Variants in TMEM266 observed in about 807,000 individuals in gnomAD.
TMEM266 encodes the protein transmembrane protein 266.
TMEM266 carries 33 observed loss-of-function variants against 50.5 expected under a neutral mutation model. The ratio of observed to expected loss-of-function variants is 0.65; its 90% CI spans 0.50 to 0.87. The LOEUF (loss-of-function observed/expected upper bound fraction) is 0.87. TMEM266 is among the 40% of genes least tolerant of loss of function. The pLI, the probability that TMEM266 is intolerant of heterozygous loss-of-function variation, is 0.00. For missense variants in TMEM266, 655 were observed against 695.1 expected (o/e 0.94, Z 0.65); for synonymous variants, 310 against 292.3 (o/e 1.06, Z -0.62).
At chr15:76,106,870 T>C (rs1388388464) in intron 1 of TMEM266, among the ~76,000 whole-genome samples, 1 of 152,214 alleles carries the variant, frequency 6.6e-6, no homozygotes, top group East Asian at 1.9e-4. Context: ...TCTAGTAATT[T>C]TCAAGTATAC....
chr15:76,160,941 C>T lies in TMEM266; in HGVS notation c.456+773C>T, dbSNP rs565275128. Among the ~76,000 whole-genome samples the T allele has an allele frequency of 3.3e-5, 5 of 152,258 alleles. No homozygotes were observed. The highest frequency in any genetic ancestry group is 2.0e-4 in the Admixed American group (3 of 15,300). On this transcript the variant is annotated intron_variant, in intron 5 of 10. Coordinates refer to ENST00000388942, the MANE Select transcript of TMEM266 (RefSeq NM_152335.3). This position sits in a 1 kb window ranked among gnomAD's most constrained non-coding sequence, Gnocchi z 5.7. ...GAGTGACACTTCCTTTGAGCAGTTC[C>T]CAGGCTGTCCCAGTGAGACTCTGGC...
At chr15:76,154,367 A>C (rs2037890186) in intron 3 of TMEM266, among the ~76,000 whole-genome samples, 1 of 152,012 alleles carries the variant, frequency 6.6e-6, no homozygotes, top group Non-Finnish European at 1.5e-5. Flanking sequence ...TTGCTTGGTG[A>C]TTGGCCCCTG....
chr15:76,070,691 A>G (rs1304904986), intron 1 of TMEM266, among the ~76,000 whole-genome samples: 1 of 152,194 alleles, frequency 6.6e-6, no homozygotes, highest in East Asian at 1.9e-4. Context: ...CTTATTAAGG[A>G]TTCAAAGTTC....
At chr15:76,192,585 A>G (rs951246989) in intron 9 of TMEM266, among the ~76,000 whole-genome samples, 2 of 152,146 alleles carry the variant, frequency 1.3e-5, no homozygotes, top group African/African-American at 4.8e-5. Context: ...CTACTGGACT[A>G]CCACCTACTG....
Position 76,160,115 on chromosome 15 carries a change from G to T in TMEM266, c.403G>T (p.Ala135Ser). 1 of 1,614,210 alleles carries T rather than the reference G, an allele frequency of 6.2e-7. No individual in the cohort carries two copies. The highest frequency in any genetic ancestry group is 8.5e-7 in the Non-Finnish European group (1 of 1,180,024). Residue 135 changes from alanine (A) to serine (S), a missense_variant, in exon 5 of 11, where the codon GCT becomes TCT. Transcript: ENST00000388942. This position sits in a 1 kb window ranked among gnomAD's most constrained non-coding sequence, Gnocchi z 5.7. ...TGCAGTTTCCAGCGCATTCCAGTTT[G>T]CTGGCGTGATTCACTGGATCAGCCT...
chr15:76,093,282 C>T (rs1356398732), intron 1 of TMEM266, among the ~76,000 whole-genome samples: 1 of 151,542 alleles, frequency 6.6e-6, no homozygotes, highest in Non-Finnish European at 1.5e-5. Context: ...TGTTATCCCT[C>T]CCTCTAGCCC....
chr15:76,062,715 A>G (rs976601672), intron 1 of TMEM266, among the ~76,000 whole-genome samples: 5 of 152,246 alleles, frequency 3.3e-5, no homozygotes, highest in African/African-American at 1.2e-4. Context: ...ATTTCATTTA[A>G]TGCAGAGCTG....
At chr15:76,120,758 C>CAAAAAAAAAAAAAAAA in intron 1 of TMEM266, among the ~76,000 whole-genome samples, 1 of 57,952 alleles carries the variant, frequency 1.7e-5, no homozygotes, top group Non-Finnish European at 3.4e-5. Context: ...AAGACTGTCT[C>CAAAAAAAAAAAAAAAA]AAAAAAAAAA....
At chr15:76,182,401 C>T (rs1375978604) in intron 8 of TMEM266, among the ~76,000 whole-genome samples, 1 of 151,948 alleles carries the variant, frequency 6.6e-6, no homozygotes, top group East Asian at 1.9e-4. Flanking sequence ...CTTTGGGAGG[C>T]CGAGGCGGGC....
intron 5 of TMEM266, among the ~76,000 whole-genome samples, chr15:76,163,373 A>C (rs1317846908): frequency 6.6e-6 from 1 of 152,180 alleles, no homozygotes; most frequent in African/African-American, 2.4e-5. Flanking sequence ...AGATGCTCTC[A>C]AAGCAGTGAG....
chr15:76,160,141 G>T lies in TMEM266; in HGVS notation c.429G>T (p.Leu143=). The T allele has an allele frequency of 6.2e-7, 1 of 1,614,172 alleles. No individual in the cohort carries two copies. The highest frequency in any genetic ancestry group is 8.5e-7 in the Non-Finnish European group (1 of 1,180,004). ...CTGGCGTGATTCACTGGATCAGCCTGGTCATTCTGTCCGTGTTCTTCTCAG... is the reference window on the plus strand; with the variant it reads ...CTGGCGTGATTCACTGGATCAGCCTTGTCATTCTGTCCGTGTTCTTCTCAG... The change falls in exon 5 of 11, where the codon CTG becomes CTT. Residue 143 remains leucine, a synonymous_variant. Coordinates refer to ENST00000388942, the MANE Select transcript of TMEM266 (RefSeq NM_152335.3). The surrounding 1 kb of genome is among the most constrained non-coding windows in gnomAD (Gnocchi z 5.7).
chr15:76,093,301 C>A (rs1036865823), intron 1 of TMEM266, among the ~76,000 whole-genome samples: 2 of 151,676 alleles, frequency 1.3e-5, no homozygotes, highest in African/African-American at 2.4e-5. Flanking sequence ...CCCCCACCCC[C>A]CAACAGGCCC....
At chr15:76,140,334 C>T (rs976393300) in intron 3 of TMEM266, among the ~76,000 whole-genome samples, 1 of 152,222 alleles carries the variant, frequency 6.6e-6, no homozygotes, top group African/African-American at 2.4e-5. Flanking sequence ...AACGGCCTCT[C>T]TCCGCGAGGC....
intron 9 of TMEM266, 60 bp downstream of exon 9, chr15:76,192,217 C>A: frequency 7.3e-7 from 1 of 1,369,612 alleles, no homozygotes; most frequent in South Asian, 1.6e-5. Context: ...CCTCGCCTCC[C>A]TCTCGCGCCC....
chr15:76,170,887 C>A, intron 6 of TMEM266, 106 bp from the exon 7 acceptor site: 2 of 1,409,338 alleles, frequency 1.4e-6, no homozygotes, highest in Non-Finnish European at 1.9e-6. Context: ...TGGTGGGGGC[C>A]CGGGCTGCTG....
chr15:76,102,073 T>C (rs1195774367), intron 1 of TMEM266, among the ~76,000 whole-genome samples: 1 of 152,156 alleles, frequency 6.6e-6, no homozygotes, highest in Non-Finnish European at 1.5e-5. Context: ...GCGGCAACTC[T>C]TCACTCACCC....
At chr15:76,102,416 T>C (rs1430448224) in intron 1 of TMEM266, among the ~76,000 whole-genome samples, 3 of 152,110 alleles carry the variant, frequency 2.0e-5, no homozygotes, top group Non-Finnish European at 2.9e-5. Flanking sequence ...CAGGGGAGTC[T>C]TTGTGAATAA....
intron 1 of TMEM266, among the ~76,000 whole-genome samples, chr15:76,073,518 C>T (rs1169128576): frequency 6.6e-6 from 1 of 152,234 alleles, no homozygotes; most frequent in African/African-American, 2.4e-5. Context: ...CAGGTGTGAG[C>T]CACCATGCCG....
chr15:76,118,032 A>G lies in TMEM266; in HGVS notation c.-96-16136A>G, dbSNP rs79443981. On this transcript the variant is annotated intron_variant, in intron 1 of 10. Transcript: ENST00000388942. ...GGCAGATACCATTGGCCTCAAGGCC[A>G]GAAAGCTAATGCTCTTTTATGACCC... 6.9e-3 allele frequency among the ~76,000 whole-genome samples: 1,050 copies of G among 152,366 alleles called. 12 individuals are homozygous for G. Among genetic ancestry groups the G allele is most frequent in the African/African-American group, 0.024 (1,003 of 41,594 alleles).
Sources: gnomAD v4.1 joint callset for allele counts (sites outside exome capture counted in the v4.1 genomes callset) on GRCh38, gnomAD v4.1.1 for gene constraint, Gnocchi (gnomAD v3.1) non-coding constraint, MANE v1.5 for transcripts, NCBI Gene and HGNC (gene_info 2026-07-23, HGNC 2026-07-21) for gene names.